NKAIN2: variants seen among roughly 807,000 people sequenced by gnomAD.
The protein encoded by NKAIN2 is sodium/potassium-transporting ATPase subunit beta-1-interacting protein 2.
NKAIN2 carries 14 observed loss-of-function variants against 32.6 expected under a neutral mutation model. The ratio of observed to expected loss-of-function variants is 0.43; its 90% CI spans 0.28 to 0.67. NKAIN2 has a LOEUF of 0.67. Among genes scored for constraint, NKAIN2 ranks in the 30% least tolerant of loss-of-function variants. The pLI is 0.17. For synonymous variants in NKAIN2, 80 were observed against 87.2 expected, an observed-to-expected ratio of 0.92 and a Z score of 0.46; for missense variants, 198 against 258.3, an observed-to-expected ratio of 0.77 and a Z score of 1.60.
At chr6:124,266,074 G>A (rs930709124) in intron 1 of NKAIN2, among the ~76,000 whole-genome samples, 1 of 152,240 alleles carries the variant, frequency 6.6e-6, no homozygotes, top group South Asian at 2.1e-4. Flanking sequence ...CACACCTGAA[G>A]CAAAATATAT....
At chr6:124,729,543 T>C (rs1033416107) in intron 4 of NKAIN2, among the ~76,000 whole-genome samples, 7 of 151,800 alleles carry the variant, frequency 4.6e-5, no homozygotes, top group African/African-American at 1.2e-4. Context: ...AAATTAGGTA[T>C]TGATGGGACA....
intron 2 of NKAIN2, among the ~76,000 whole-genome samples, chr6:124,334,981 T>A (rs1002404163): frequency 6.6e-6 from 1 of 152,172 alleles, no homozygotes; most frequent in African/African-American, 2.4e-5. Context: ...GTTATGATTT[T>A]TGCAAAGGTG....
In NKAIN2 at chr6:124,702,694, T is replaced by C. The variant is rs187328281; in HGVS notation, c.474+44308T>C. 3.3e-3 allele frequency among the ~76,000 whole-genome samples: 509 copies of C among 152,194 alleles called. 2 individuals are homozygous for C. The highest frequency in any genetic ancestry group is 0.012 in the African/African-American group (490 of 41,552). Reference sequence around the variant, plus strand: ...TTCTCCATTAAATCATCAATGCTTATTAGCCTTCTGAGAGCCACAGAATGT... The same window carrying C: ...TTCTCCATTAAATCATCAATGCTTACTAGCCTTCTGAGAGCCACAGAATGT... On this transcript the variant is annotated intron_variant, in intron 4 of 6. Coordinates refer to ENST00000368417, the MANE Select transcript of NKAIN2 (RefSeq NM_001040214.3).
chr6:124,119,849 C>T lies in NKAIN2; in HGVS notation c.55-163156C>T, dbSNP rs375088484. On this transcript the variant is annotated intron_variant, in intron 1 of 6. Coordinates refer to ENST00000368417, the MANE Select transcript of NKAIN2 (RefSeq NM_001040214.3). ...TGCTACCATTCACAGCCCAGCTTGT[C>T]CTGCTGTGTTGCTTTAGTAGTGTCC... Among the ~76,000 whole-genome samples the T allele has an allele frequency of 1.6e-4, 24 of 152,250 alleles. No homozygotes were observed. In the East Asian group the frequency reaches 3.1e-3, roughly 20 times the overall value.
intron 5 of NKAIN2, among the ~76,000 whole-genome samples, chr6:124,793,124 C>T (rs756322164): frequency 4.0e-5 from 6 of 151,676 alleles, no homozygotes; most frequent in Non-Finnish European, 7.4e-5. Flanking sequence ...TGAGACATGC[C>T]GAAATGACAT....
chr6:123,989,801 T>G (rs1206289029), intron 1 of NKAIN2, among the ~76,000 whole-genome samples: 4 of 152,110 alleles, frequency 2.6e-5, no homozygotes, highest in African/African-American at 7.2e-5. Flanking sequence ...AGCATAAAAT[T>G]TATTATGTAG....
At chr6:124,262,167 C>T (rs375890055) in intron 1 of NKAIN2, among the ~76,000 whole-genome samples, 3 of 151,996 alleles carry the variant, frequency 2.0e-5, no homozygotes, top group Non-Finnish European at 2.9e-5. Context: ...GGTACTTAGG[C>T]GACTTTCTTA....
chr6:124,032,593 A>C (rs1781452735), intron 1 of NKAIN2, among the ~76,000 whole-genome samples: 1 of 152,120 alleles, frequency 6.6e-6, no homozygotes, highest in Non-Finnish European at 1.5e-5. Context: ...TAACACATTC[A>C]TATTGGACTA....
chr6:124,042,584 G>A (rs1208789680), intron 1 of NKAIN2, among the ~76,000 whole-genome samples: 3 of 152,072 alleles, frequency 2.0e-5, no homozygotes, highest in Non-Finnish European at 4.4e-5. Flanking sequence ...GCCCATGCCT[G>A]CAAATTTTGT....
chr6:123,988,046 A>G (rs1399525616), intron 1 of NKAIN2, among the ~76,000 whole-genome samples: 2 of 152,196 alleles, frequency 1.3e-5, no homozygotes, highest in Non-Finnish European at 2.9e-5. Flanking sequence ...TGAGAAGACT[A>G]TTACTGCCTC....
intron 1 of NKAIN2, among the ~76,000 whole-genome samples, chr6:124,171,890 A>G (rs1295338365): frequency 7.2e-6 from 1 of 139,488 alleles, no homozygotes; most frequent in Non-Finnish European, 1.5e-5. Context: ...TCTGTCGCCC[A>G]GGATGGAGTA....
intron 4 of NKAIN2, among the ~76,000 whole-genome samples, chr6:124,766,573 C>G (rs1778524262): frequency 1.3e-5 from 2 of 152,174 alleles, no homozygotes; most frequent in South Asian, 4.1e-4. Flanking sequence ...AGTTCCCCAA[C>G]CCTTGCAAGG....
chr6:124,779,381 A>AAGGAAGTC, intron 4 of NKAIN2, among the ~76,000 whole-genome samples: 1 of 146,948 alleles, frequency 6.8e-6, no homozygotes, highest in South Asian at 2.2e-4. Context: ...GGAAGGAAGG[A>AAGGAAGTC]AGTCCTCCTG....
chr6:124,221,919 A>G (rs1489701279), intron 1 of NKAIN2, among the ~76,000 whole-genome samples: 4 of 152,200 alleles, frequency 2.6e-5, no homozygotes, highest in Non-Finnish European at 5.9e-5. Flanking sequence ...TGTCTGTTGA[A>G]TATTATCTTT....
At chr6:124,026,668 C>G (rs1781127156) in intron 1 of NKAIN2, among the ~76,000 whole-genome samples, 1 of 152,144 alleles carries the variant, frequency 6.6e-6, no homozygotes, top group Admixed American at 6.6e-5. Context: ...TTGTTCTTGA[C>G]CTTGTGTTCA....
chr6:124,292,042 A>G lies in NKAIN2; in HGVS notation c.192+8900A>G, dbSNP rs564118302. Among the ~76,000 whole-genome samples, 15 of 152,252 alleles carry G rather than the reference A, an allele frequency of 9.9e-5. No individual in the cohort carries two copies. The South Asian group carries it at 2.7e-3, about 27-fold the overall frequency. The stretch of plus-strand genomic sequence containing the variant: ...ATGCTTTTCAACATTTGCCTTTGCT[A>G]TGCTATCCCCAGGTAATTTCATTTA... On this transcript the variant is annotated intron_variant, in intron 2 of 6. Coordinates refer to ENST00000368417, the MANE Select transcript of NKAIN2 (RefSeq NM_001040214.3).
At chr6:124,574,941 G>C (rs1781272635) in intron 3 of NKAIN2, among the ~76,000 whole-genome samples, 1 of 152,190 alleles carries the variant, frequency 6.6e-6, no homozygotes. Context: ...CTCAAAGGCA[G>C]AAGGACTAGA....
chr6:124,301,882 C>T (rs1040240921), intron 2 of NKAIN2, among the ~76,000 whole-genome samples: 1 of 152,142 alleles, frequency 6.6e-6, no homozygotes, highest in Non-Finnish European at 1.5e-5. Context: ...AGACTTTGGA[C>T]TGTGGACTTT....
At chr6:124,298,324 T>C (rs907785671) in intron 2 of NKAIN2, among the ~76,000 whole-genome samples, 3 of 152,204 alleles carry the variant, frequency 2.0e-5, no homozygotes, top group Admixed American at 6.5e-5. Context: ...TATCTCTTTC[T>C]ATTTTTAATG....
Sources: gnomAD v4.1 joint callset for allele counts (sites outside exome capture counted in the v4.1 genomes callset) on GRCh38, gnomAD v4.1.1 for gene constraint, MANE v1.5 for transcripts, NCBI Gene and HGNC (gene_info 2026-07-23, HGNC 2026-07-21) for gene names.